The following BMP1 variants were observed in gnomAD, a reference collection of about 807,000 sequenced individuals.
BMP1 encodes the protein bone morphogenetic protein 1.
A neutral mutation model predicts 116.8 loss-of-function variants in BMP1; 63 were observed. The observed-to-expected ratio is 0.54, with a 90% CI of 0.44 to 0.67. The LOEUF (loss-of-function observed/expected upper bound fraction) is 0.67. Among genes scored for constraint, BMP1 ranks in the 30% least tolerant of loss-of-function variants. The pLI, the probability that BMP1 is intolerant of heterozygous loss-of-function variation, is 0.00. For synonymous variants in BMP1, 536 were observed against 533.4 expected (o/e 1.00, Z -0.07); for missense variants, 1,183 against 1,358.9 (o/e 0.87, Z 2.04).
chr8:22,201,558 C>T (rs1829263812), intron 15 of BMP1: 6 of 1,411,648 alleles, frequency 4.3e-6, no homozygotes, highest in African/African-American at 1.4e-5. Context: ...CATGCTGGTC[C>T]GCTCGGACCC....
At chr8:22,178,016 G>A in intron 6 of BMP1, 59 bp downstream of exon 6, 2 of 1,361,584 alleles carry the variant, frequency 1.5e-6, no homozygotes, top group Non-Finnish European at 2.0e-6. Flanking sequence ...GCCCTCTGTA[G>A]GCTATTCTCC....
At chr8:22,201,082 C>A in intron 15 of BMP1, 2 of 1,601,874 alleles carry the variant, frequency 1.2e-6, no homozygotes, top group South Asian at 1.1e-5. Flanking sequence ...CACCCCCACC[C>A]CTTGGTCCCT....
chr8:22,180,058 C>T (rs73549584), intron 7 of BMP1, among the ~76,000 whole-genome samples: 3 of 152,022 alleles, frequency 2.0e-5, no homozygotes, highest in African/African-American at 7.3e-5. Flanking sequence ...TCTGTAGGGG[C>T]GGAAGTGGGG....
Position 22,207,386 on chromosome 8 carries a change from C to T in BMP1, c.2445C>T (p.Ala815=), listed in dbSNP as rs200867122. 182 of 1,614,196 alleles carry T rather than the reference C, an allele frequency of 1.1e-4. 1 individual carries two copies. The highest frequency in any genetic ancestry group is 3.4e-5 in the Non-Finnish European group (40 of 1,180,026). The change falls in exon 18 of 20, where the codon GCC becomes GCT. Residue 815 remains alanine (A), a synonymous_variant. Coordinates refer to ENST00000306385, the MANE Select transcript of BMP1 (RefSeq NM_006129.5). ...TGTTCGACGGGCGAGACGCCAAGGC[C>T]CCCGTCCTCGGCCGCTTCTGTGGGA... ...LEVFDGRDAK[A]PVLGRFCGSK... is the part of the protein sequence containing the mutation.
Position 22,177,927 on chromosome 8 carries a change from T to G in BMP1, c.806T>G (p.Ile269Ser). 1 of 1,613,308 alleles carries G rather than the reference T, an allele frequency of 6.2e-7. No homozygotes were observed. Among genetic ancestry groups the G allele is most frequent in the Non-Finnish European group, 8.5e-7 (1 of 1,179,452 alleles). Residue 269 changes from isoleucine (I) to serine (S), a missense_variant, in exon 6 of 20, where the codon ATC becomes AGC. Coordinates refer to ENST00000306385, the MANE Select transcript of BMP1 (RefSeq NM_006129.5). Reference sequence around the variant, plus strand: ...GGGGAGACCTATGACTTCGACAGCATCATGCATTACGCTCGGAACACATTC... The same window carrying G: ...GGGGAGACCTATGACTTCGACAGCAGCATGCATTACGCTCGGAACACATTC... ...SLGETYDFDS[I>S]MHYARNTFSR... is the part of the protein sequence containing the mutation.
chr8:22,207,351 C>T lies in BMP1; in HGVS notation c.2410C>T (p.His804Tyr). The change falls in exon 18 of 20, where the codon CAC becomes TAC. Residue 804 changes from histidine to tyrosine, a missense_variant. By Grantham distance (83) the His-to-Tyr change is moderately conservative. This residue lies in a region of BMP1 where 956 missense variants were observed against 1,135.2 expected (regional missense o/e 0.84). Transcript: ENST00000306385. ...IESQPECAYD[H>Y]LEVFDGRDAK... ...GTCCCAGCCTGAGTGTGCCTACGAC[C>T]ACCTAGAGGTGTTCGACGGGCGAGA... The T allele has an allele frequency of 6.2e-7, 1 of 1,614,152 alleles. No homozygotes were observed. Among genetic ancestry groups the T allele is most frequent in the Admixed American group, 1.7e-5 (1 of 60,022 alleles).
intron 8 of BMP1, among the ~76,000 whole-genome samples, chr8:22,181,449 G>T (rs970031794): frequency 1.3e-5 from 2 of 152,130 alleles, no homozygotes; most frequent in Non-Finnish European, 2.9e-5. Context: ...GAGCCTGTCC[G>T]GTCAGGTTTC....
At chr8:22,209,344 C>T in intron 18 of BMP1, 101 bp from the exon 19 acceptor site, 1 of 1,531,658 alleles carries the variant, frequency 6.5e-7, no homozygotes, top group Non-Finnish European at 8.8e-7. Flanking sequence ...GGCCTTCACC[C>T]AGGCCTCCAT....
At chr8:22,202,562 T>C (rs1463156061) in intron 16 of BMP1, among the ~76,000 whole-genome samples, 4 of 152,138 alleles carry the variant, frequency 2.6e-5, no homozygotes, top group Non-Finnish European at 5.9e-5. Flanking sequence ...TAAAAATAGC[T>C]CTAGGCCGGG....
Position 22,177,879 on chromosome 8 carries a change from A to G in BMP1, c.758A>G (p.Glu253Gly). ...PGQEYNFLKM[E>G]PQEVESLGET... ...CAGGAGTATAACTTCCTGAAGATGGAGCCTCAGGAGGTGGAGTCCCTGGGG... is the reference window on the plus strand; with the variant it reads ...CAGGAGTATAACTTCCTGAAGATGGGGCCTCAGGAGGTGGAGTCCCTGGGG... Residue 253 changes from glutamate (E) to glycine (G), a missense_variant, in exon 6 of 20, where the codon GAG becomes GGG. By Grantham distance (98) the Glu-to-Gly change is moderately conservative. This residue lies in a region of BMP1 where 956 missense variants were observed against 1,135.2 expected (regional missense o/e 0.84). Coordinates refer to ENST00000306385, the MANE Select transcript of BMP1 (RefSeq NM_006129.5). The G allele has an allele frequency of 1.9e-6, 3 of 1,613,174 alleles. No individual in the cohort carries two copies. Among genetic ancestry groups the G allele is most frequent in the Non-Finnish European group, 2.5e-6 (3 of 1,179,390 alleles).
At chr8:22,196,062 TC>T in intron 13 of BMP1, 1 of 389,166 alleles carries the variant, frequency 2.6e-6, no homozygotes, top group Non-Finnish European at 5.1e-6. Flanking sequence ...GAACACACTG[TC>T]CCCCCGTAGG....
chr8:22,201,255 G>A (rs753482838), intron 15 of BMP1: 24 of 1,576,992 alleles, frequency 1.5e-5, no homozygotes, highest in Middle Eastern at 1.8e-4. Flanking sequence ...CACCTTGGAC[G>A]GAATGGGATG....
intron 4 of BMP1, 117 bp downstream of exon 4, chr8:22,176,767 C>A: frequency 8.6e-7 from 1 of 1,168,568 alleles, no homozygotes; most frequent in Non-Finnish European, 1.3e-6. Flanking sequence ...TCCCCTCCTG[C>A]TATGGGGCAT....
chr8:22,185,955 C>G (rs948170765), intron 8 of BMP1, among the ~76,000 whole-genome samples: 30 of 151,784 alleles, frequency 2.0e-4, no homozygotes, highest in Non-Finnish European at 4.3e-4. Flanking sequence ...CCTGCCTCAG[C>G]CTCCCCAGTA....
intron 1 of BMP1, 64 bp downstream of exon 1, chr8:22,165,617 G>GAAC: frequency 1.1e-5 from 16 of 1,498,758 alleles, no homozygotes; most frequent in Non-Finnish European, 1.4e-5. Flanking sequence ...TTCGGGCTTG[G>GAAC]GGTTGGGGGA....
intron 9 of BMP1, chr8:22,192,363 A>G: frequency 2.0e-6 from 1 of 495,482 alleles, no homozygotes; most frequent in Non-Finnish European, 3.7e-6. Context: ...TCTGGACTTC[A>G]GAGTACCCAG....
At chr8:22,199,960 C>T (rs979033036) in intron 15 of BMP1, among the ~76,000 whole-genome samples, 4 of 152,218 alleles carry the variant, frequency 2.6e-5, no homozygotes, top group Admixed American at 6.5e-5. Flanking sequence ...CATGTTCCAG[C>T]GCTTGGGCCC....
rs772305345 is a variant in BMP1, at chr8:22,165,559, C to CGCCCCCCG, written c.148+17_148+24dup. 1.0e-5 allele frequency: 16 copies of CGCCCCCCG among 1,575,240 alleles called. No homozygotes were observed. The highest frequency in any genetic ancestry group is 1.3e-5 in the Non-Finnish European group (15 of 1,164,608). On this transcript the variant is annotated splice_region_variant and intron_variant, in intron 1 of 19. Coordinates refer to ENST00000306385, the MANE Select transcript of BMP1 (RefSeq NM_006129.5). Reference sequence around the variant, plus strand: ...CAAAGACCCCTGCAAGGCGGGTGAGCGCCCCCCGGCCCCCCGGCGACGGGC... The same window carrying CGCCCCCCG: ...CAAAGACCCCTGCAAGGCGGGTGAGCGCCCCCCGGCCCCCCGGCCCCCCGGCGACGGGC...
At position 22,173,437 on chromosome 8, in the gene BMP1, G is replaced by A. The variant is rs113625474; in HGVS notation, c.149-165G>A. 2.7e-3 allele frequency among the ~76,000 whole-genome samples: 416 copies of A among 152,326 alleles called. 3 individuals carry two copies. The highest frequency in any genetic ancestry group is 9.6e-3 in the African/African-American group (401 of 41,558). On this transcript the variant is annotated intron_variant, in intron 1 of 19. Transcript: ENST00000306385. ...ATGAGCTTCCCAAGAAATTCTATAA[G>A]CTGATCCCTAACTGCCCTTCTCCTT...
Sources: gnomAD v4.1 joint callset for allele counts (sites outside exome capture counted in the v4.1 genomes callset) on GRCh38, gnomAD v4.1.1 for gene constraint, gnomAD v4.1.1 regional missense constraint, MANE v1.5 for transcripts, NCBI Gene and HGNC (gene_info 2026-07-23, HGNC 2026-07-21) for gene names.